Variants in STK39 observed in about 807,000 individuals in gnomAD.
STK39 encodes the protein STE20/SPS1-related proline-alanine-rich protein kinase.
Under a neutral mutation model 77.8 loss-of-function variants are expected in STK39, and 20 were observed. The ratio of observed to expected loss-of-function variants is 0.26; its 90% CI spans 0.18 to 0.37. STK39 has a LOEUF of 0.37. Among genes scored for constraint, STK39 ranks in the 10% least tolerant of loss-of-function variants. STK39 has a pLI of 1.00. For synonymous variants in STK39, 246 were observed against 234.1 expected (o/e 1.05, Z -0.47); for missense variants, 479 against 656.5 (o/e 0.73, Z 2.95).
At chr2:168,217,438 G>C (rs12472933) in intron 1 of STK39, among the ~76,000 whole-genome samples, 20,961 of 152,020 alleles carry the variant, frequency 0.14, 2,669 homozygotes, top group East Asian at 0.34. Context: ...TATAGATCTG[G>C]AAAAATCAAA....
Position 168,028,498 on chromosome 2 carries a change from C to T in STK39, c.1377-11403G>A, listed in dbSNP as rs1289115318. Among the ~76,000 whole-genome samples the T allele has an allele frequency of 3.9e-5, 6 of 152,220 alleles. No individual in the cohort carries two copies. In the East Asian group the frequency reaches 7.7e-4, roughly 20 times the overall value. On this transcript the variant is annotated intron_variant, in intron 14 of 17. Transcript: ENST00000355999. ...AATATATTTATTGAACTTATTTTCA[C>T]TTATGGGGCAAAGGGGAAAAGGAGT...
At chr2:168,149,500 T>C (rs1419146425) in intron 5 of STK39, among the ~76,000 whole-genome samples, 1 of 152,250 alleles carries the variant, frequency 6.6e-6, no homozygotes, top group Non-Finnish European at 1.5e-5. Flanking sequence ...CTACGTGAGA[T>C]AATTAACGTT....
At chr2:168,150,177 A>G (rs1179044507) in intron 5 of STK39, among the ~76,000 whole-genome samples, 2 of 152,214 alleles carry the variant, frequency 1.3e-5, no homozygotes, top group Admixed American at 1.3e-4. Flanking sequence ...TGGGACTGGA[A>G]GATCTCAATG....
At chr2:168,179,333 C>T (rs997531226) in intron 2 of STK39, among the ~76,000 whole-genome samples, 3 of 152,208 alleles carry the variant, frequency 2.0e-5, no homozygotes, top group African/African-American at 7.2e-5. Flanking sequence ...CACACGATCT[C>T]ATGTGCCAAT....
intron 12 of STK39, among the ~76,000 whole-genome samples, chr2:168,066,751 C>T (rs188951441): frequency 9.9e-5 from 15 of 152,254 alleles, no homozygotes; most frequent in Non-Finnish European, 1.9e-4. Context: ...ACCCCACACA[C>T]ACCCTGCAAC....
chr2:168,003,435 C>T (rs1574383126), intron 16 of STK39, among the ~76,000 whole-genome samples: 2 of 152,064 alleles, frequency 1.3e-5, no homozygotes, highest in African/African-American at 4.8e-5. Flanking sequence ...TATTAATGTC[C>T]AATTTTTCTA....
chr2:167,983,805 A>G (rs10497332), intron 16 of STK39, among the ~76,000 whole-genome samples: 53,109 of 152,022 alleles, frequency 0.35, 9,943 homozygotes, highest in Non-Finnish European at 0.41. Flanking sequence ...AAGCTAGGTC[A>G]TCCTACCTTT....
intron 10 of STK39, among the ~76,000 whole-genome samples, chr2:168,090,822 G>A (rs897363463): frequency 6.6e-6 from 1 of 152,152 alleles, no homozygotes; most frequent in African/African-American, 2.4e-5. Flanking sequence ...GGGAGGCTGA[G>A]GGGCTTAATT....
At chr2:168,218,345 A>G (rs998153007) in intron 1 of STK39, among the ~76,000 whole-genome samples, 3 of 152,240 alleles carry the variant, frequency 2.0e-5, no homozygotes, top group East Asian at 3.8e-4. Context: ...ATATCTTGGG[A>G]AAGTTCACTT....
intron 1 of STK39, among the ~76,000 whole-genome samples, chr2:168,242,142 C>T (rs1002740427): frequency 2.0e-5 from 3 of 152,168 alleles, no homozygotes; most frequent in Admixed American, 1.3e-4. Flanking sequence ...TCTCTCCCCC[C>T]AGCCCCATGA....
intron 5 of STK39, among the ~76,000 whole-genome samples, chr2:168,141,133 G>A (rs1687970447): frequency 6.6e-6 from 1 of 152,156 alleles, no homozygotes; most frequent in Admixed American, 6.5e-5. Context: ...ATTTTCATAA[G>A]TACAGAGGCA....
intron 5 of STK39, among the ~76,000 whole-genome samples, chr2:168,148,453 C>T (rs1315704958): frequency 6.6e-6 from 1 of 152,176 alleles, no homozygotes; most frequent in South Asian, 2.1e-4. Flanking sequence ...AGAGGGATAA[C>T]TTAAGTCTTC....
intron 5 of STK39, among the ~76,000 whole-genome samples, chr2:168,152,789 C>T (rs1346518068): frequency 6.6e-6 from 1 of 152,186 alleles, no homozygotes; most frequent in African/African-American, 2.4e-5. Flanking sequence ...GCGAGGGCTC[C>T]TGGCCGGCCA....
chr2:168,211,991 C>T (rs975760944), intron 1 of STK39, among the ~76,000 whole-genome samples: 1 of 152,180 alleles, frequency 6.6e-6, no homozygotes, highest in Non-Finnish European at 1.5e-5. Context: ...GATCATTATT[C>T]GTTTTAGTTC....
intron 17 of STK39, among the ~76,000 whole-genome samples, chr2:167,963,830 A>T (rs1235953096): frequency 1.3e-5 from 2 of 152,288 alleles, no homozygotes; most frequent in East Asian, 3.9e-4. Context: ...TAATTTCACA[A>T]ATATAAAAAA....
chr2:168,114,128 T>G (rs1687195828), intron 10 of STK39, among the ~76,000 whole-genome samples: 2 of 152,180 alleles, frequency 1.3e-5, no homozygotes, highest in South Asian at 4.1e-4. Context: ...CTTCAGTAAT[T>G]CAGAGTCCTT....
rs528218707 is a variant in STK39, at chr2:168,039,453, G to A, written c.1377-22358C>T. 2.8e-5 allele frequency among the ~76,000 whole-genome samples: 2 copies of A among 72,076 alleles called. 1 individual carries two copies. The highest frequency in any genetic ancestry group is 7.1e-5 in the Non-Finnish European group (2 of 28,192). 47.3% of individuals were successfully genotyped at this position (72,076 alleles called of 152,430 possible). ...TAAAAATACAAAAAATTAGCCGGGC[G>A]CGGTGGCGGGCGCCTGTAGTCCCAG... On this transcript the variant is annotated intron_variant, in intron 14 of 17. Transcript: ENST00000355999.
chr2:168,107,626 G>T (rs1264360630), intron 10 of STK39, among the ~76,000 whole-genome samples: 1 of 152,146 alleles, frequency 6.6e-6, no homozygotes, highest in Non-Finnish European at 1.5e-5. Flanking sequence ...AACTTTGTAA[G>T]ACACAGACCA....
intron 14 of STK39, among the ~76,000 whole-genome samples, chr2:168,030,591 C>G (rs111496437): frequency 2.0e-5 from 3 of 152,140 alleles, no homozygotes; most frequent in South Asian, 4.1e-4. Flanking sequence ...GAAGTGTTAA[C>G]GCCAGTGTCC....
Sources: allele counts gnomAD v4.1 joint callset (sites outside exome capture counted in the v4.1 genomes callset), GRCh38; gene constraint gnomAD v4.1.1; transcripts MANE v1.5; gene names NCBI Gene and HGNC (gene_info 2026-07-23, HGNC 2026-07-21).